DCT: variants seen among roughly 807,000 people sequenced by gnomAD.
DCT encodes the protein L-dopachrome tautomerase.
DCT carries 47 observed loss-of-function variants against 53.0 expected under a neutral mutation model. The observed-to-expected ratio is 0.89, with a 90% confidence interval of 0.70 to 1.13. DCT has a LOEUF of 1.13. Ranked by LOEUF, DCT falls within the 50% of genes most tolerant of loss-of-function variation. DCT has a pLI of 0.00. For synonymous variants in DCT, 244 were observed against 237.0 expected, an observed-to-expected ratio of 1.03 and a Z score of -0.27; for missense variants, 669 against 637.4, an observed-to-expected ratio of 1.05 and a Z score of -0.53.
chr13:94,452,619 A>G, intron 6 of DCT: 1 of 770,432 alleles, frequency 1.3e-6, no homozygotes, highest in Non-Finnish European at 2.4e-6. Flanking sequence ...TACATGTTCA[A>G]GGATGTTTGT....
At chr13:94,474,802 G>A (rs1188179627) in intron 1 of DCT, among the ~76,000 whole-genome samples, 1 of 152,124 alleles carries the variant, frequency 6.6e-6, no homozygotes, top group Non-Finnish European at 1.5e-5. Context: ...AGAATTTAGA[G>A]TTTTAAAAAA....
chr13:94,462,752 T>G (rs1317454357), intron 4 of DCT, among the ~76,000 whole-genome samples: 1 of 152,182 alleles, frequency 6.6e-6, no homozygotes, highest in Non-Finnish European at 1.5e-5. Flanking sequence ...ACCATTCTGT[T>G]GGAAAGACAG....
At chr13:94,471,669 TG>T (rs1884655041) in intron 1 of DCT, among the ~76,000 whole-genome samples, 1 of 152,196 alleles carries the variant, frequency 6.6e-6, no homozygotes, top group Non-Finnish European at 1.5e-5. Flanking sequence ...AGTACAGGAA[TG>T]GAACACTGTT....
chr13:94,445,536 A>G (rs1328830580), intron 6 of DCT, among the ~76,000 whole-genome samples: 2 of 152,206 alleles, frequency 1.3e-5, no homozygotes, highest in Non-Finnish European at 2.9e-5. Context: ...CTGCACTGAA[A>G]GATGCTAGGC....
At chr13:94,547,634 A>G in the DCT span, among the ~76,000 whole-genome samples, 2 of 151,974 alleles carry the variant, frequency 1.3e-5, no homozygotes, top group African/African-American at 4.8e-5. Flanking sequence ...CAGAACCTGC[A>G]TCCTTTCCCT....
chr13:94,536,020 C>T, the DCT span, among the ~76,000 whole-genome samples: 2 of 152,258 alleles, frequency 1.3e-5, no homozygotes, highest in South Asian at 4.1e-4. Context: ...CCCCTAATAC[C>T]ACAGAAAAGT....
the DCT span, among the ~76,000 whole-genome samples, chr13:94,544,867 A>T: frequency 1.3e-5 from 2 of 152,290 alleles, no homozygotes; most frequent in Admixed American, 1.3e-4. Flanking sequence ...CATTGATGAC[A>T]CAAAAGGCCT....
the DCT span, among the ~76,000 whole-genome samples, chr13:94,530,193 G>A: frequency 2.0e-5 from 3 of 152,090 alleles, no homozygotes; most frequent in Non-Finnish European, 2.9e-5. Context: ...ATACACAGCC[G>A]AATTCTACCA....
the DCT span, among the ~76,000 whole-genome samples, chr13:94,503,842 C>G: frequency 6.6e-6 from 1 of 152,122 alleles, no homozygotes; most frequent in Admixed American, 6.6e-5. Context: ...AGGTACATAC[C>G]CATTATTCTC....
the DCT span, among the ~76,000 whole-genome samples, chr13:94,528,762 T>C: frequency 6.6e-6 from 1 of 152,120 alleles, no homozygotes; most frequent in Non-Finnish European, 1.5e-5. Context: ...GTTAACATCA[T>C]AATGACAGGA....
the DCT span, among the ~76,000 whole-genome samples, chr13:94,492,346 G>A: frequency 6.6e-6 from 1 of 152,298 alleles, no homozygotes; most frequent in African/African-American, 2.4e-5. Context: ...CTTCTAAGTT[G>A]AAGGTGGTTG....
intron 6 of DCT, 122 bp from the exon 7 acceptor site, chr13:94,443,759 T>A (rs1407995): frequency 2.9e-5 from 21 of 724,472 alleles, no homozygotes; most frequent in Admixed American, 1.1e-4. Context: ...TGTATACCCA[T>A]GTGTGGAATA....
At chr13:94,473,416 A>G (rs771318904) in intron 1 of DCT, among the ~76,000 whole-genome samples, 15 of 152,228 alleles carry the variant, frequency 9.9e-5, no homozygotes, top group Non-Finnish European at 2.2e-4. Context: ...GGTGTATTAA[A>G]TGCATTTTTG....
At chr13:94,534,609 T>G in the DCT span, among the ~76,000 whole-genome samples, 1 of 152,230 alleles carries the variant, frequency 6.6e-6, no homozygotes, top group Non-Finnish European at 1.5e-5. Flanking sequence ...AGGCTTTCAG[T>G]GGACCCTGAT....
chr13:94,529,211 G>A, the DCT span, among the ~76,000 whole-genome samples: 7 of 152,130 alleles, frequency 4.6e-5, no homozygotes, highest in Non-Finnish European at 8.8e-5. Context: ...ACACCCCACT[G>A]TCAATATTAG....
chr13:94,470,454 C>T (rs1884569552), intron 1 of DCT, among the ~76,000 whole-genome samples: 1 of 152,194 alleles, frequency 6.6e-6, no homozygotes, highest in Non-Finnish European at 1.5e-5. Context: ...AGCCTTCCAA[C>T]TTATTGCCTT....
At chr13:94,445,216 G>T (rs1039597080) in intron 6 of DCT, among the ~76,000 whole-genome samples, 4 of 152,216 alleles carry the variant, frequency 2.6e-5, no homozygotes, top group Non-Finnish European at 5.9e-5. Context: ...CTCATTGAAG[G>T]TTGGCTTCAT....
intron 7 of DCT, among the ~76,000 whole-genome samples, chr13:94,441,800 A>G (rs1375333979): frequency 6.6e-6 from 1 of 152,202 alleles, no homozygotes; most frequent in African/African-American, 2.4e-5. Context: ...TAATGCTGCT[A>G]TGAACATGGG....
chr13:94,499,243 C>T, the DCT span, among the ~76,000 whole-genome samples: 1 of 152,190 alleles, frequency 6.6e-6, no homozygotes, highest in Non-Finnish European at 1.5e-5. Flanking sequence ...ACTCCAGACA[C>T]ACCATCTTTA....
Sources: gnomAD v4.1 joint callset for allele counts (sites outside exome capture counted in the v4.1 genomes callset) on GRCh38, gnomAD v4.1.1 for gene constraint, MANE v1.5 for transcripts, NCBI Gene and HGNC (gene_info 2026-07-23, HGNC 2026-07-21) for gene names.